The following APBA1 variants were observed in gnomAD, a reference collection of about 807,000 sequenced individuals.
APBA1 encodes the protein amyloid-beta A4 precursor protein-binding family A member 1.
In APBA1, 55 loss-of-function variants were observed where a neutral mutation model predicts 86.6. That is an observed-to-expected ratio of 0.64 (90% CI 0.51 to 0.80). The LOEUF (loss-of-function observed/expected upper bound fraction) is 0.80. Among genes scored for constraint, APBA1 ranks in the 30% least tolerant of loss-of-function variants. APBA1 has a pLI of 0.00. For synonymous variants in APBA1, 511 were observed against 493.9 expected (o/e 1.03, Z -0.46); for missense variants, 1,090 against 1,183.0 (o/e 0.92, Z 1.15).
intron 8 of APBA1, among the ~76,000 whole-genome samples, chr9:69,453,732 G>A (rs576752683): frequency 1.1e-4 from 16 of 152,328 alleles, no homozygotes; most frequent in Admixed American, 7.8e-4. Flanking sequence ...ACGGTCTGGG[G>A]AAGTACACAG....
At chr9:69,494,995 T>A (rs1485723797) in intron 2 of APBA1, among the ~76,000 whole-genome samples, 6 of 152,140 alleles carry the variant, frequency 3.9e-5, no homozygotes, top group African/African-American at 1.2e-4. Context: ...GAGCATGGAA[T>A]TGGAGGTACA....
intron 1 of APBA1, among the ~76,000 whole-genome samples, chr9:69,636,003 A>C (rs571885839): frequency 9.6e-4 from 147 of 152,354 alleles, no homozygotes; most frequent in Non-Finnish European, 1.6e-3. Flanking sequence ...ATATTTGCAA[A>C]CTACCCATAT....
intron 1 of APBA1, among the ~76,000 whole-genome samples, chr9:69,643,700 G>A (rs534828584): frequency 6.6e-6 from 1 of 152,266 alleles, no homozygotes; most frequent in South Asian, 2.1e-4. Context: ...GATTCGTCTT[G>A]AGGTCCATTG....
intron 1 of APBA1, among the ~76,000 whole-genome samples, chr9:69,599,438 G>C (rs1286115512): frequency 6.6e-6 from 1 of 152,162 alleles, no homozygotes; most frequent in Non-Finnish European, 1.5e-5. Flanking sequence ...TGTTCTAGGT[G>C]CTGTTCCTAA....
chr9:69,497,240 C>T (rs976759307), intron 2 of APBA1, among the ~76,000 whole-genome samples: 6 of 151,968 alleles, frequency 3.9e-5, no homozygotes, highest in African/African-American at 1.2e-4. Context: ...AGCACAAAGG[C>T]GGTTGAGATG....
At chr9:69,573,484 A>G (rs796504480) in intron 1 of APBA1, among the ~76,000 whole-genome samples, 3 of 152,292 alleles carry the variant, frequency 2.0e-5, no homozygotes, top group African/African-American at 7.2e-5. Context: ...ATAAAATACA[A>G]TTTACAGCAT....
At chr9:69,658,290 CTCTT>C (rs1415092638) in intron 1 of APBA1, among the ~76,000 whole-genome samples, 74 of 81,988 alleles carry the variant, frequency 9.0e-4, no homozygotes, top group Admixed American at 1.4e-3. Flanking sequence ...CTTTCTCTCT[CTCTT>C]TCTCTCTCTC....
intron 1 of APBA1, among the ~76,000 whole-genome samples, chr9:69,603,410 T>C (rs1277230285): frequency 2.0e-5 from 3 of 152,244 alleles, no homozygotes; most frequent in Admixed American, 6.5e-5. Flanking sequence ...GGCTTTGACC[T>C]CTTGGATGTG....
upstream of APBA1, chr9:69,672,443 G>A (rs996292711): frequency 6.6e-6 from 1 of 150,802 alleles, no homozygotes; most frequent in Non-Finnish European, 1.5e-5. Context: ...ACGCGCGCTG[G>A]GGCCGGGCGG....
At chr9:69,535,356 T>C (rs527799975) in intron 1 of APBA1, among the ~76,000 whole-genome samples, 7 of 152,328 alleles carry the variant, frequency 4.6e-5, no homozygotes, top group Admixed American at 6.5e-5. Context: ...CATTCAGTGG[T>C]GCTAATGATA....
chr9:69,451,715 CTT>C (rs1835012779), intron 9 of APBA1, among the ~76,000 whole-genome samples: 1 of 152,184 alleles, frequency 6.6e-6, no homozygotes, highest in Non-Finnish European at 1.5e-5. Context: ...CACAGCACCT[CTT>C]GTCTGAAACT....
intron 10 of APBA1, among the ~76,000 whole-genome samples, chr9:69,443,131 CACA>C (rs904090828): frequency 6.6e-6 from 1 of 152,124 alleles, no homozygotes; most frequent in African/African-American, 2.4e-5. Context: ...TTAAACCCCA[CACA>C]GCAGCAGCAG....
intron 1 of APBA1, among the ~76,000 whole-genome samples, chr9:69,654,701 C>T (rs1185634323): frequency 1.3e-5 from 2 of 152,182 alleles, no homozygotes; most frequent in African/African-American, 4.8e-5. Flanking sequence ...CAAAATCATT[C>T]TACAAGGCCA....
intron 1 of APBA1, among the ~76,000 whole-genome samples, chr9:69,591,477 A>G (rs1822127824): frequency 6.6e-6 from 1 of 152,250 alleles, no homozygotes; most frequent in South Asian, 2.1e-4. Context: ...CTTGTCAACA[A>G]TATGAAGGGA....
chr9:69,476,497 T>C (rs2777864), intron 2 of APBA1, among the ~76,000 whole-genome samples: 94,785 of 152,072 alleles, frequency 0.62, 30,991 homozygotes, highest in African/African-American at 0.84. Flanking sequence ...TTCTTACTGA[T>C]GAAGCCAAAT....
intron 1 of APBA1, among the ~76,000 whole-genome samples, chr9:69,552,510 T>C (rs1836802078): frequency 6.6e-6 from 1 of 152,224 alleles, no homozygotes; most frequent in South Asian, 2.1e-4. Flanking sequence ...GCTGGGAAGA[T>C]GAATTTACAA....
chr9:69,580,775 T>C (rs969404663), intron 1 of APBA1, among the ~76,000 whole-genome samples: 1 of 152,210 alleles, frequency 6.6e-6, no homozygotes, highest in African/African-American at 2.4e-5. Flanking sequence ...CCTGTGGCTA[T>C]ATAAAGTACC....
chr9:69,527,038 G>A (rs1588342176), intron 1 of APBA1, among the ~76,000 whole-genome samples: 2 of 152,040 alleles, frequency 1.3e-5, no homozygotes, highest in Non-Finnish European at 2.9e-5. Flanking sequence ...GGGTACTCAC[G>A]GACATAAAGA....
intron 2 of APBA1, among the ~76,000 whole-genome samples, chr9:69,503,715 G>T (rs1036250257): frequency 1.3e-5 from 2 of 151,960 alleles, no homozygotes; most frequent in Non-Finnish European, 2.9e-5. Flanking sequence ...AAAACTCCTG[G>T]TGGCACAAAT....
Sources: allele counts gnomAD v4.1 joint callset (sites outside exome capture counted in the v4.1 genomes callset), GRCh38; gene constraint gnomAD v4.1.1; transcripts MANE v1.5; gene names NCBI Gene and HGNC (gene_info 2026-07-23, HGNC 2026-07-21).